Variants in HS3ST5 observed in about 807,000 individuals in gnomAD.
HS3ST5 encodes heparan sulfate-glucosamine 3-sulfotransferase 5.
A neutral mutation model predicts 25.4 loss-of-function variants in HS3ST5; 10 were observed. The ratio of observed to expected loss-of-function variants is 0.39; its 90% confidence interval spans 0.24 to 0.67. The LOEUF (loss-of-function observed/expected upper bound fraction) is 0.67, where lower values mean the gene tolerates loss of function less well. Ranked by LOEUF, HS3ST5 falls within the 30% of genes least tolerant of loss-of-function variation. HS3ST5 has a pLI of 0.44. For synonymous variants in HS3ST5, 170 were observed against 162.4 expected, an observed-to-expected ratio of 1.05 and a Z score of -0.36; for missense variants, 324 against 420.7, an observed-to-expected ratio of 0.77 and a Z score of 2.01.
At chr6:114,331,088 T>C (rs1394887521) in intron 1 of HS3ST5, among the ~76,000 whole-genome samples, 1 of 152,234 alleles carries the variant, frequency 6.6e-6, no homozygotes, top group Admixed American at 6.5e-5. Flanking sequence ...ATTAAAAGTA[T>C]GTAGGGAACT....
intron 1 of HS3ST5, among the ~76,000 whole-genome samples, chr6:114,330,342 G>C (rs1176792332): frequency 6.6e-6 from 1 of 152,116 alleles, no homozygotes; most frequent in African/African-American, 2.4e-5. Flanking sequence ...ACTGTCTTTT[G>C]TATCAATGAA....
chr6:114,249,952 G>T (rs146532186), intron 1 of HS3ST5, among the ~76,000 whole-genome samples: 217 of 152,234 alleles, frequency 1.4e-3, no homozygotes, highest in Middle Eastern at 6.8e-3. Context: ...ATACCGATCT[G>T]AAATATTTGT....
chr6:114,061,073 C>T (rs1773088847), intron 4 of HS3ST5, among the ~76,000 whole-genome samples: 1 of 151,928 alleles, frequency 6.6e-6, no homozygotes, highest in South Asian at 2.1e-4. Flanking sequence ...TTTAGAAAGC[C>T]CACCAAACAA....
At chr6:114,108,570 G>T (rs763452253) in intron 3 of HS3ST5, among the ~76,000 whole-genome samples, 1 of 152,086 alleles carries the variant, frequency 6.6e-6, no homozygotes, top group Non-Finnish European at 1.5e-5. Context: ...TATCTCTCCG[G>T]CGCCCTCTAC....
chr6:114,103,183 TTTAAAAACTTTTAATAAG>T (rs1419546008), intron 3 of HS3ST5, among the ~76,000 whole-genome samples: 1 of 152,134 alleles, frequency 6.6e-6, no homozygotes, highest in Non-Finnish European at 1.5e-5. Context: ...ATACAGAACT[TTTAAAAACTTTTAATAAG>T]TATGAATTCA....
intron 1 of HS3ST5, among the ~76,000 whole-genome samples, chr6:114,326,784 G>C (rs951879349): frequency 6.6e-6 from 1 of 151,602 alleles, no homozygotes; most frequent in African/African-American, 2.4e-5. Context: ...ACTCAGTAAG[G>C]CTTTAAATTT....
chr6:114,256,427 A>T (rs1030435890), intron 1 of HS3ST5, among the ~76,000 whole-genome samples: 7 of 152,082 alleles, frequency 4.6e-5, no homozygotes, highest in African/African-American at 1.7e-4. Flanking sequence ...AATGCTTTTA[A>T]CAGCACCCAG....
chr6:114,332,635 G>A (rs191271679), intron 1 of HS3ST5, among the ~76,000 whole-genome samples: 3 of 152,170 alleles, frequency 2.0e-5, no homozygotes, highest in Admixed American at 2.0e-4. Context: ...TGGGGGTGGC[G>A]AGAGAGTGTG....
chr6:114,332,796 G>A (rs1207255100), intron 1 of HS3ST5, among the ~76,000 whole-genome samples: 12 of 152,076 alleles, frequency 7.9e-5, no homozygotes, highest in Non-Finnish European at 1.5e-4. Flanking sequence ...AAGAGAGGTA[G>A]TGTGGAAGAT....
At chr6:114,284,851 T>C (rs965232330) in intron 1 of HS3ST5, among the ~76,000 whole-genome samples, 7 of 151,920 alleles carry the variant, frequency 4.6e-5, no homozygotes, top group Non-Finnish European at 8.8e-5. Flanking sequence ...AAGAAAATTA[T>C]TAAACTTAAT....
intron 1 of HS3ST5, among the ~76,000 whole-genome samples, chr6:114,284,192 A>G (rs1774240748): frequency 6.6e-6 from 1 of 152,022 alleles, no homozygotes; most frequent in South Asian, 2.1e-4. Flanking sequence ...CCATTAAAGT[A>G]TTTTAAAGTT....
At chr6:114,150,673 T>C (rs148736957) in intron 3 of HS3ST5, among the ~76,000 whole-genome samples, 1 of 152,194 alleles carries the variant, frequency 6.6e-6, no homozygotes, top group African/African-American at 2.4e-5. Context: ...TTCTATAGCA[T>C]ACATGCAATA....
chr6:114,228,195 C>T (rs1279408563), intron 2 of HS3ST5, among the ~76,000 whole-genome samples: 2 of 152,128 alleles, frequency 1.3e-5, no homozygotes, highest in African/African-American at 2.4e-5. Context: ...TCTTACGACA[C>T]ATCCCATTCC....
chr6:114,081,634 A>G (rs578189763), intron 3 of HS3ST5, among the ~76,000 whole-genome samples: 1 of 152,318 alleles, frequency 6.6e-6, no homozygotes, highest in East Asian at 1.9e-4. Flanking sequence ...TAGTTGCTTG[A>G]ATAATTTCTG....
intron 2 of HS3ST5, among the ~76,000 whole-genome samples, chr6:114,206,515 C>T (rs1781282672): frequency 1.3e-5 from 2 of 152,058 alleles, no homozygotes; most frequent in African/African-American, 4.8e-5. Flanking sequence ...GATGCAGAAA[C>T]CAGATATCTG....
intron 2 of HS3ST5, among the ~76,000 whole-genome samples, chr6:114,174,322 A>G (rs1391626310): frequency 1.3e-5 from 2 of 152,076 alleles, no homozygotes; most frequent in African/African-American, 4.8e-5. Flanking sequence ...CAAAGTCCCT[A>G]TCACAGAGTG....
intron 3 of HS3ST5, among the ~76,000 whole-genome samples, chr6:114,139,989 A>G (rs929335724): frequency 6.6e-6 from 1 of 152,232 alleles, no homozygotes; most frequent in Non-Finnish European, 1.5e-5. Flanking sequence ...AATGAGGGAA[A>G]TAGCTATTCC....
At chr6:114,297,896 AG>A (rs1774896776) in intron 1 of HS3ST5, among the ~76,000 whole-genome samples, 1 of 152,240 alleles carries the variant, frequency 6.6e-6, no homozygotes, top group Non-Finnish European at 1.5e-5. Flanking sequence ...ACATGCTTTT[AG>A]GAACTGCAAC....
intron 2 of HS3ST5, among the ~76,000 whole-genome samples, chr6:114,212,192 G>A (rs1781536951): frequency 6.6e-6 from 1 of 152,118 alleles, no homozygotes; most frequent in Non-Finnish European, 1.5e-5. Context: ...ATCACCACAG[G>A]GAGTCTCCTC....
Sources: allele counts gnomAD v4.1 joint callset (sites outside exome capture counted in the v4.1 genomes callset), GRCh38; gene constraint gnomAD v4.1.1; transcripts MANE v1.5; gene names NCBI Gene and HGNC (gene_info 2026-07-23, HGNC 2026-07-21).